HS6ST3: variants seen among roughly 807,000 people sequenced by gnomAD.
HS6ST3 encodes the protein heparan-sulfate 6-O-sulfotransferase 3.
A neutral mutation model predicts 36.7 loss-of-function variants in HS6ST3; 12 were observed. That is an observed-to-expected ratio of 0.33 (90% confidence interval 0.21 to 0.53). The LOEUF (loss-of-function observed/expected upper bound fraction) is 0.53. Among genes scored for constraint, HS6ST3 ranks in the 20% least tolerant of loss-of-function variants. HS6ST3 has a pLI of 0.95. For missense variants in HS6ST3, 584 were observed against 640.9 expected, an observed-to-expected ratio of 0.91 and a Z score of 0.96; for synonymous variants, 240 against 257.5, an observed-to-expected ratio of 0.93 and a Z score of 0.65.
intron 1 of HS6ST3, among the ~76,000 whole-genome samples, chr13:96,233,256 A>G (rs1392255784): frequency 6.6e-6 from 1 of 152,202 alleles, no homozygotes; most frequent in East Asian, 1.9e-4. Context: ...ATCCAGAAAA[A>G]GGACTTTTTA....
intron 1 of HS6ST3, chr13:96,574,017 A>G (rs954185352): frequency 1.3e-5 from 7 of 542,716 alleles, no homozygotes; most frequent in Admixed American, 1.9e-5. Context: ...AGATTCACCA[A>G]TGACCCCTGT....
chr13:96,747,018 C>T lies in HS6ST3; in HGVS notation c.708-85472C>T, dbSNP rs116410420. 7.8e-4 allele frequency among the ~76,000 whole-genome samples: 118 copies of T among 152,110 alleles called. 3 individuals carry two copies. In the South Asian group the frequency reaches 0.023, roughly 30 times the overall value. Reference sequence around the variant, plus strand: ...CTTTGCTTTGACTTCCATTATACTGCGAGACTATTTTTTTTTCCCAACCTC... The same window carrying T: ...CTTTGCTTTGACTTCCATTATACTGTGAGACTATTTTTTTTTCCCAACCTC... On this transcript the variant is annotated intron_variant, in intron 1 of 1. Coordinates refer to ENST00000376705, the MANE Select transcript of HS6ST3 (RefSeq NM_153456.4).
chr13:96,427,735 T>A (rs1194503952), intron 1 of HS6ST3, among the ~76,000 whole-genome samples: 1 of 152,158 alleles, frequency 6.6e-6, no homozygotes, highest in Non-Finnish European at 1.5e-5. Context: ...CAGAGCTCCA[T>A]AAAGATCCTT....
chr13:96,806,487 T>C (rs1878199976), intron 1 of HS6ST3, among the ~76,000 whole-genome samples: 1 of 152,218 alleles, frequency 6.6e-6, no homozygotes, highest in Non-Finnish European at 1.5e-5. Flanking sequence ...TCCTTCCTTG[T>C]GGCAACAGGT....
chr13:96,398,681 C>T (rs2055434382), intron 1 of HS6ST3, among the ~76,000 whole-genome samples: 1 of 152,202 alleles, frequency 6.6e-6, no homozygotes, highest in Non-Finnish European at 1.5e-5. Context: ...AAGGTGACCC[C>T]AGTGAGTCAT....
intron 1 of HS6ST3, among the ~76,000 whole-genome samples, chr13:96,189,962 T>C (rs140341779): frequency 0.011 from 1,687 of 152,276 alleles, 28 homozygotes; most frequent in African/African-American, 0.039. Flanking sequence ...CACCCCACAT[T>C]GACTCAGATC....
chr13:96,427,274 T>C (rs1353690694), intron 1 of HS6ST3: 1 of 154,374 alleles, frequency 6.5e-6, no homozygotes, highest in Non-Finnish European at 1.5e-5. Context: ...AGCTTCTGTT[T>C]CATCAGATGT....
At chr13:96,588,772 A>T (rs1472863197) in intron 1 of HS6ST3, among the ~76,000 whole-genome samples, 1 of 152,054 alleles carries the variant, frequency 6.6e-6, no homozygotes, top group Non-Finnish European at 1.5e-5. Flanking sequence ...CCTCTAGGCC[A>T]GGCATGGTGG....
intron 1 of HS6ST3, among the ~76,000 whole-genome samples, chr13:96,149,413 T>C (rs1228268759): frequency 6.6e-6 from 1 of 152,170 alleles, no homozygotes; most frequent in Non-Finnish European, 1.5e-5. Flanking sequence ...GCCACAATAG[T>C]GTGACCTCCC....
At chr13:96,153,153 A>G (rs948703422) in intron 1 of HS6ST3, among the ~76,000 whole-genome samples, 6 of 151,864 alleles carry the variant, frequency 4.0e-5, no homozygotes, top group Non-Finnish European at 7.4e-5. Context: ...CAACCCCTAA[A>G]CTGTAAAGCC....
chr13:96,783,640 T>A (rs937958556), intron 1 of HS6ST3, among the ~76,000 whole-genome samples: 3 of 151,812 alleles, frequency 2.0e-5, no homozygotes, highest in African/African-American at 7.3e-5. Flanking sequence ...ACACCCTCAT[T>A]TATGGACAGG....
chr13:96,440,477 G>A (rs918389799), intron 1 of HS6ST3, among the ~76,000 whole-genome samples: 2 of 136,336 alleles, frequency 1.5e-5, no homozygotes, highest in Non-Finnish European at 3.1e-5. Context: ...GAGGGGAGGG[G>A]AGGGGAGGGG....
chr13:96,322,531 C>T (rs1012958616), intron 1 of HS6ST3, among the ~76,000 whole-genome samples: 6 of 151,502 alleles, frequency 4.0e-5, no homozygotes, highest in Non-Finnish European at 7.4e-5. Context: ...TACTCTAGCT[C>T]GGGTGACAGA....
chr13:96,461,237 G>A (rs1040506065), intron 1 of HS6ST3, among the ~76,000 whole-genome samples: 2 of 152,128 alleles, frequency 1.3e-5, no homozygotes, highest in Non-Finnish European at 2.9e-5. Context: ...GCCAGACGTT[G>A]GGAATGAGAA....
intron 1 of HS6ST3, among the ~76,000 whole-genome samples, chr13:96,242,419 A>G (rs894026589): frequency 9.2e-5 from 14 of 151,578 alleles, no homozygotes; most frequent in African/African-American, 3.4e-4. Context: ...GGTTTTTGCC[A>G]TGTTACCCAG....
At chr13:96,408,015 A>T (rs975660503) in intron 1 of HS6ST3, among the ~76,000 whole-genome samples, 5 of 152,138 alleles carry the variant, frequency 3.3e-5, no homozygotes, top group African/African-American at 9.7e-5. Context: ...ATCTCGGCTC[A>T]CTGCAACCTC....
rs1409983550 is a variant in HS6ST3 at position 96,780,083 on chromosome 13, C to G, written c.708-52407C>G. 2.0e-5 allele frequency among the ~76,000 whole-genome samples: 3 copies of G among 152,050 alleles called. No individual in the cohort carries two copies. The East Asian group carries it at 5.8e-4, about 29-fold the overall frequency. On this transcript the variant is annotated intron_variant, in intron 1 of 1. Transcript: ENST00000376705. ...CAGTGGCAGACCTGGAACACAGTTC[C>G]TAAGGCAAGGCTCAGAACTGGATTT...
intron 1 of HS6ST3, among the ~76,000 whole-genome samples, chr13:96,247,798 T>C (rs547347650): frequency 4.9e-4 from 75 of 152,300 alleles, no homozygotes; most frequent in Non-Finnish European, 6.6e-4. Flanking sequence ...GGCTCTTTTT[T>C]GTTAACCTGG....
chr13:96,110,118 G>A (rs2053861033), intron 1 of HS6ST3, among the ~76,000 whole-genome samples: 1 of 152,134 alleles, frequency 6.6e-6, no homozygotes, highest in South Asian at 2.1e-4. Flanking sequence ...TTGGCTCACA[G>A]TTCTGCTGGC....
Sources: gnomAD v4.1 joint callset for allele counts (sites outside exome capture counted in the v4.1 genomes callset) on GRCh38, gnomAD v4.1.1 for gene constraint, MANE v1.5 for transcripts, NCBI Gene and HGNC (gene_info 2026-07-23, HGNC 2026-07-21) for gene names.